The following SNTG2 variants were observed in gnomAD, a reference collection of about 807,000 sequenced individuals.
SNTG2 encodes the protein syntrophin gamma 2.
SNTG2 carries 74 observed loss-of-function variants against 70.9 expected under a neutral mutation model. That is an observed-to-expected ratio of 1.04 (90% CI 0.86 to 1.27). The LOEUF (loss-of-function observed/expected upper bound fraction) is 1.27. Ranked by LOEUF, SNTG2 falls within the 50% of genes most tolerant of loss-of-function variation. The probability of loss-of-function intolerance (pLI) is 0.00; values close to 1 mark genes in which losing one functional copy is unlikely to be tolerated. For missense variants in SNTG2, 717 were observed against 690.7 expected, an observed-to-expected ratio of 1.04 and a Z score of -0.43; for synonymous variants, 278 against 273.8, an observed-to-expected ratio of 1.02 and a Z score of -0.15.
intron 2 of SNTG2, among the ~76,000 whole-genome samples, chr2:1,087,206 G>T (rs1476061987): frequency 1.3e-5 from 2 of 152,154 alleles, no homozygotes; most frequent in Non-Finnish European, 2.9e-5. Context: ...ACTTCCTTCT[G>T]GTGATGCGCA....
intron 9 of SNTG2, among the ~76,000 whole-genome samples, chr2:1,222,540 G>A (rs1675364663): frequency 2.4e-5 from 3 of 124,350 alleles, no homozygotes; most frequent in Non-Finnish European, 5.1e-5. Context: ...TGGAGGTGCT[G>A]GATCGCTGTA....
At chr2:1,328,862 C>T (rs1178045878) in intron 16 of SNTG2, among the ~76,000 whole-genome samples, 1 of 151,450 alleles carries the variant, frequency 6.6e-6, no homozygotes, top group African/African-American at 2.4e-5. Context: ...CAGATGCATA[C>T]ACACACATAC....
intron 8 of SNTG2, among the ~76,000 whole-genome samples, chr2:1,177,155 A>C (rs1671535381): frequency 6.6e-6 from 1 of 152,254 alleles, no homozygotes; most frequent in Admixed American, 6.5e-5. Flanking sequence ...AGCCATAAAA[A>C]GGAGCAAGAC....
chr2:1,356,936 GT>G lies in SNTG2; in HGVS notation c.1489-10396del, dbSNP rs911200527. On this transcript the variant is annotated intron_variant, in intron 16 of 16. Coordinates refer to ENST00000308624, the MANE Select transcript of SNTG2 (RefSeq NM_018968.4). The stretch of plus-strand genomic sequence containing the variant: ...CTTGTTTTGATGCTATTGTAAGTGG[GT>G]TTTTTTTTTTCTTAATGTCTATTTT... Among the ~76,000 whole-genome samples, 313 of 148,956 alleles carry G rather than the reference GT, an allele frequency of 2.1e-3. 3 individuals carry two copies. The highest frequency in any genetic ancestry group is 7.1e-3 in the African/African-American group (287 of 40,690).
chr2:1,298,822 T>A (rs1294509670), intron 14 of SNTG2, among the ~76,000 whole-genome samples: 1 of 152,108 alleles, frequency 6.6e-6, no homozygotes, highest in Non-Finnish European at 1.5e-5. Context: ...CTTAATTGGG[T>A]AGGCACCATC....
At chr2:969,380 G>GT (rs35978804) in intron 1 of SNTG2, among the ~76,000 whole-genome samples, 12,550 of 151,806 alleles carry the variant, frequency 0.083, 758 homozygotes, top group South Asian at 0.2. Flanking sequence ...TTTTATAATA[G>GT]TTTTTTTTCT....
At chr2:1,046,456 G>T (rs1661742257) in intron 1 of SNTG2, among the ~76,000 whole-genome samples, 1 of 152,090 alleles carries the variant, frequency 6.6e-6, no homozygotes, top group Non-Finnish European at 1.5e-5. Context: ...TAGTTCAATG[G>T]TCTATGTATT....
chr2:1,298,373 A>T (rs2148231966), intron 14 of SNTG2, among the ~76,000 whole-genome samples: 1 of 152,272 alleles, frequency 6.6e-6, no homozygotes, highest in East Asian at 1.9e-4. Flanking sequence ...GGCTCAAGCG[A>T]TCCACCCACC....
chr2:1,194,251 G>A (rs963185401), intron 8 of SNTG2, among the ~76,000 whole-genome samples: 1 of 152,196 alleles, frequency 6.6e-6, no homozygotes, highest in African/African-American at 2.4e-5. Context: ...AGGATGGGGG[G>A]AGAAGCGCTG....
At chr2:1,223,679 A>G (rs974831171) in intron 9 of SNTG2, among the ~76,000 whole-genome samples, 3 of 152,244 alleles carry the variant, frequency 2.0e-5, no homozygotes, top group Non-Finnish European at 4.4e-5. Flanking sequence ...TAATCCCCAA[A>G]GAGGGAGGAG....
At chr2:1,206,871 T>A (rs1196448630) in intron 8 of SNTG2, among the ~76,000 whole-genome samples, 4 of 152,366 alleles carry the variant, frequency 2.6e-5, no homozygotes, top group Non-Finnish European at 4.4e-5. Flanking sequence ...GAATCCTCTA[T>A]GCAATTTTAA....
chr2:1,077,097 A>G (rs1273861159), intron 1 of SNTG2, among the ~76,000 whole-genome samples: 1 of 152,194 alleles, frequency 6.6e-6, no homozygotes, highest in Admixed American at 6.5e-5. Flanking sequence ...ATCACCTATA[A>G]ATCATAATGC....
chr2:1,255,927 A>AAATAT (rs1678088399), intron 12 of SNTG2, among the ~76,000 whole-genome samples: 1 of 36,710 alleles, frequency 2.7e-5, no homozygotes, highest in South Asian at 1.2e-3. Flanking sequence ...TAAATATATA[A>AAATAT]ATATATAAAT....
At chr2:1,255,791 T>C (rs1181868961) in intron 12 of SNTG2, among the ~76,000 whole-genome samples, 1 of 95,268 alleles carries the variant, frequency 1.0e-5, no homozygotes, top group Non-Finnish European at 2.3e-5. Context: ...TGTGTGTGTG[T>C]GTATATATAT....
At chr2:975,243 C>T (rs1364133574) in intron 1 of SNTG2, among the ~76,000 whole-genome samples, 1 of 150,938 alleles carries the variant, frequency 6.6e-6, no homozygotes, top group Non-Finnish European at 1.5e-5. Flanking sequence ...TGAGCAAACA[C>T]CACATGCTTG....
chr2:1,123,521 T>C (rs988912614), intron 4 of SNTG2, among the ~76,000 whole-genome samples: 7 of 152,158 alleles, frequency 4.6e-5, no homozygotes, highest in African/African-American at 9.7e-5. Context: ...AAGAGTGAAA[T>C]TGGACTCTTG....
intron 8 of SNTG2, among the ~76,000 whole-genome samples, chr2:1,176,200 AT>A (rs1671465675): frequency 1.3e-5 from 2 of 152,222 alleles, no homozygotes; most frequent in African/African-American, 4.8e-5. Context: ...TCATCAGGTT[AT>A]TTAAACTCAT....
intron 15 of SNTG2, among the ~76,000 whole-genome samples, chr2:1,312,548 A>T (rs915445792): frequency 6.6e-6 from 1 of 152,218 alleles, no homozygotes; most frequent in African/African-American, 2.4e-5. Context: ...GGATCCCAGG[A>T]TGGAGCCTGG....
intron 16 of SNTG2, chr2:1,341,580 TC>T (rs1195456779): frequency 1.3e-5 from 2 of 152,196 alleles, no homozygotes; most frequent in African/African-American, 4.8e-5. Flanking sequence ...TCTCTTCTCT[TC>T]TCTGGAGGTT....
Sources: allele counts gnomAD v4.1 joint callset (sites outside exome capture counted in the v4.1 genomes callset), GRCh38; gene constraint gnomAD v4.1.1; transcripts MANE v1.5; gene names NCBI Gene and HGNC (gene_info 2026-07-23, HGNC 2026-07-21).